Variants in GNRHR observed in about 807,000 individuals in gnomAD.
GNRHR encodes gonadotropin releasing hormone receptor.
In GNRHR, 14 loss-of-function variants were observed where a neutral mutation model predicts 28.1. The observed-to-expected ratio is 0.50, with a 90% CI of 0.33 to 0.78. GNRHR has a LOEUF of 0.78. GNRHR is among the 30% of genes least tolerant of loss of function. GNRHR has a pLI of 0.02. For missense variants in GNRHR, 366 were observed against 382.1 expected (o/e 0.96, Z 0.35); for synonymous variants, 141 against 140.5 (o/e 1.00, Z -0.02).
intron 1 of GNRHR, among the ~76,000 whole-genome samples, chr4:67,752,736 A>T (rs1490859665): frequency 1.3e-5 from 2 of 152,172 alleles, no homozygotes; most frequent in African/African-American, 4.8e-5. Flanking sequence ...TGAGAAATTG[A>T]TGGGATAAAA....
chr4:67,743,169 C>T (rs1388707659), intron 2 of GNRHR, among the ~76,000 whole-genome samples: 1 of 152,080 alleles, frequency 6.6e-6, no homozygotes, highest in East Asian at 1.9e-4. Context: ...TCAGGCTGGC[C>T]TCGAACTCCT....
intron 2 of GNRHR, among the ~76,000 whole-genome samples, chr4:67,741,607 T>G (rs1387076367): frequency 6.6e-6 from 1 of 152,188 alleles, no homozygotes; most frequent in Non-Finnish European, 1.5e-5. Flanking sequence ...CTACTTTTAG[T>G]TCTTTAAGGA....
chr4:67,743,995 T>G (rs1731709502), intron 2 of GNRHR, among the ~76,000 whole-genome samples: 1 of 152,234 alleles, frequency 6.6e-6, no homozygotes, highest in Admixed American at 6.5e-5. Flanking sequence ...ATAACAATGT[T>G]TATTTCATGA....
intron 1 of GNRHR, among the ~76,000 whole-genome samples, chr4:67,752,415 G>T (rs1008969358): frequency 6.6e-6 from 1 of 151,654 alleles, no homozygotes; most frequent in Non-Finnish European, 1.5e-5. Flanking sequence ...TTGATATGGG[G>T]CCTCCCTATA....
intron 1 of GNRHR, among the ~76,000 whole-genome samples, chr4:67,749,825 G>A (rs1233094163): frequency 3.9e-5 from 6 of 151,924 alleles, no homozygotes; most frequent in Non-Finnish European, 8.8e-5. Flanking sequence ...TTGTGACCAG[G>A]GAGTAGTTTA....
intron 1 of GNRHR, among the ~76,000 whole-genome samples, chr4:67,748,048 A>C (rs1045154885): frequency 2.6e-5 from 4 of 151,956 alleles, no homozygotes; most frequent in Admixed American, 1.3e-4. Flanking sequence ...ATATTTCTTT[A>C]ATTTTGGTAT....
At position 67,738,905 on chromosome 4, in the gene GNRHR, GA is replaced by G. The variant is rs1731602692; in HGVS notation, c.*1574del. ...AGAATTGGAAAGTAAGGTAGGATAT[GA>G]AAAAAACAACAACACAACACTATAA... is the stretch of plus-strand genomic sequence containing the variant. On this transcript the variant is annotated 3_prime_UTR_variant, in exon 3 of 3. Transcript: ENST00000226413. Among the ~76,000 whole-genome samples, 1 of 151,392 alleles carries G rather than the reference GA, an allele frequency of 6.6e-6. No individual in the cohort carries two copies. The highest frequency in any genetic ancestry group is 1.5e-5 in the Non-Finnish European group (1 of 67,618).
In GNRHR at chr4:67,737,516, C is replaced by T. The variant is rs1000603986; in HGVS notation, c.*2964G>A. ...TAGAAGTATTTTAACTGCCTAAAAA[C>T]ATTATCTCTTCATGACTACCACCTA... On this transcript the variant is annotated 3_prime_UTR_variant, in exon 3 of 3. Transcript: ENST00000226413. 5.9e-5 allele frequency among the ~76,000 whole-genome samples: 9 copies of T among 151,934 alleles called. No homozygotes were observed. Among genetic ancestry groups the T allele is most frequent in the African/African-American group, 2.2e-4 (9 of 41,420 alleles).
At chr4:67,752,679 ATTATTC>A (rs1401228410) in intron 1 of GNRHR, among the ~76,000 whole-genome samples, 2 of 150,692 alleles carry the variant, frequency 1.3e-5, no homozygotes, top group African/African-American at 5.0e-5. Flanking sequence ...AGTTTTTCCC[ATTATTC>A]TTATTATGAA....
chr4:67,745,290 C>CAA (rs556829512), intron 1 of GNRHR, among the ~76,000 whole-genome samples: 1 of 147,414 alleles, frequency 6.8e-6, no homozygotes, highest in Admixed American at 6.8e-5. Context: ...CAAAACAAAA[C>CAA]AAAAAAAAAC....
At position 67,737,709 on chromosome 4, in the gene GNRHR, T is replaced by G. The variant is rs1183980295; in HGVS notation, c.*2771A>C. Among the ~76,000 whole-genome samples the G allele has an allele frequency of 6.6e-6, 1 of 152,092 alleles. No homozygotes were observed. Among genetic ancestry groups the G allele is most frequent in the East Asian group, 1.9e-4 (1 of 5,188 alleles). ...CTAATGTAGGCTTTGTTTAATTTAT[T>G]GTCATTAGTTAATGTCACTCCTGTA... On this transcript the variant is annotated 3_prime_UTR_variant, in exon 3 of 3. Coordinates refer to ENST00000226413, the MANE Select transcript of GNRHR (RefSeq NM_000406.3).
At chr4:67,751,480 G>A (rs868032415) in intron 1 of GNRHR, among the ~76,000 whole-genome samples, 52 of 152,192 alleles carry the variant, frequency 3.4e-4, no homozygotes, top group African/African-American at 1.2e-3. Flanking sequence ...ACCATTTTCT[G>A]TGGCTCACAT....
chr4:67,743,058 T>A (rs2109982525), intron 2 of GNRHR, among the ~76,000 whole-genome samples: 1 of 152,244 alleles, frequency 6.6e-6, no homozygotes, highest in East Asian at 1.9e-4. Context: ...GTTCAAGTGA[T>A]TCTCTTGCCT....
chr4:67,752,385 A>T (rs1560519541), intron 1 of GNRHR, among the ~76,000 whole-genome samples: 29 of 150,006 alleles, frequency 1.9e-4, no homozygotes. Context: ...CATTTAAGCA[A>T]TTTTTTTTTT....
At chr4:67,750,769 A>G (rs1212782713) in intron 1 of GNRHR, among the ~76,000 whole-genome samples, 2 of 152,108 alleles carry the variant, frequency 1.3e-5, no homozygotes, top group Non-Finnish European at 2.9e-5. Context: ...GCACCAAAGG[A>G]TGAAAATTAA....
At chr4:67,747,362 T>C (rs3796717) in intron 1 of GNRHR, 3,435 of 167,144 alleles carry the variant, frequency 0.021, 92 homozygotes, top group East Asian at 0.1. Flanking sequence ...ATGAGTGGAG[T>C]TTGATAGGAG....
rs1243886889 is a variant in GNRHR, at chr4:67,753,897, G to A, written c.439C>T (p.Leu147=). The A allele has an allele frequency of 1.1e-5, 18 of 1,613,798 alleles. No individual in the cohort carries two copies. Among genetic ancestry groups the A allele is most frequent in the East Asian group, 2.2e-5 (1 of 44,888 alleles). The change falls in exon 1 of 3, where the codon CTA becomes TTA. Residue 147 remains leucine, a synonymous_variant. Transcript: ENST00000226413. The stretch of plus-strand genomic sequence containing the variant: ...ACTTTGCTGTTGCTTTTCAAAGCTA[G>A]GGGCCTCGTGATAGCCAGGGAGCGG... The part of the protein sequence containing the change: ...LDRSLAITRP[L]ALKSNSKVGQ...
rs1577873434 is a variant in GNRHR, at chr4:67,754,090, A to G, written c.246T>C (p.His82=). 1.2e-6 allele frequency: 2 copies of G among 1,614,220 alleles called. No individual in the cohort carries two copies. Among genetic ancestry groups the G allele is most frequent in the Non-Finnish European group, 1.7e-6 (2 of 1,180,028 alleles). ...TCTCCAACAGGTTGGCTAAGGTCAG[A>G]TGTTTTAAGAGCAGCTTCATTCTTG... is the stretch of plus-strand genomic sequence containing the variant. The part of the protein sequence containing the change: ...KLSRMKLLLK[H]LTLANLLETL... Residue 82 remains histidine (H), a synonymous_variant, in exon 1 of 3, where the codon CAT becomes CAC. Transcript: ENST00000226413.
intron 1 of GNRHR, among the ~76,000 whole-genome samples, chr4:67,750,819 C>G (rs1731852638): frequency 6.6e-6 from 1 of 151,990 alleles, no homozygotes; most frequent in South Asian, 2.1e-4. Flanking sequence ...ATAGGACGTG[C>G]CTTTGTCAAT....
Sources: gnomAD v4.1 joint callset for allele counts (sites outside exome capture counted in the v4.1 genomes callset) on GRCh38, gnomAD v4.1.1 for gene constraint, MANE v1.5 for transcripts, NCBI Gene and HGNC (gene_info 2026-07-23, HGNC 2026-07-21) for gene names.